ABL1: variants seen among roughly 807,000 people sequenced by gnomAD.
ABL1 encodes ABL proto-oncogene 1, non-receptor tyrosine kinase.
In ABL1, 11 loss-of-function variants were observed where a neutral mutation model predicts 94.7. The observed-to-expected ratio is 0.12, with a 90% CI of 0.07 to 0.19. The LOEUF is 0.19. Ranked by LOEUF, ABL1 falls within the 10% of genes least tolerant of loss-of-function variation. ABL1 has a pLI of 1.00. For missense variants in ABL1, 1,082 were observed against 1,489.4 expected (o/e 0.73, Z 4.50); for synonymous variants, 656 against 622.4 (o/e 1.05, Z -0.80).
intron 1 of ABL1, among the ~76,000 whole-genome samples, chr9:130,845,034 A>G (rs78201681): frequency 0.01 from 1,561 of 152,344 alleles, 27 homozygotes; most frequent in African/African-American, 0.035. Flanking sequence ...GAATTGGCTC[A>G]GTAAAACCTC....
At chr9:130,851,149 C>T (rs915948405) in intron 1 of ABL1, among the ~76,000 whole-genome samples, 2 of 152,126 alleles carry the variant, frequency 1.3e-5, no homozygotes, top group Non-Finnish European at 2.9e-5. Flanking sequence ...TGGTCTCGAT[C>T]TCCTGACCTC....
chr9:130,824,930 C>T (rs1830405751), intron 1 of ABL1, among the ~76,000 whole-genome samples: 1 of 152,192 alleles, frequency 6.6e-6, no homozygotes, highest in African/African-American at 2.4e-5. Context: ...TTCTAACAAG[C>T]AGAGGGAAGA....
At chr9:130,850,488 T>C (rs1830839118) in intron 1 of ABL1, among the ~76,000 whole-genome samples, 1 of 152,170 alleles carries the variant, frequency 6.6e-6, no homozygotes, top group South Asian at 2.1e-4. Flanking sequence ...CAAGCTCTAA[T>C]CACATGTCCA....
chr9:130,762,829 T>G, intron 1 of ABL1, among the ~76,000 whole-genome samples: 1 of 149,424 alleles, frequency 6.7e-6, no homozygotes, highest in East Asian at 2.0e-4. Context: ...GAGAGTGGCA[T>G]GAACCCGGGA....
At chr9:130,854,329 C>T in intron 2 of ABL1, 92 bp downstream of exon 2, 10 of 1,434,192 alleles carry the variant, frequency 7.0e-6, no homozygotes, top group Non-Finnish European at 9.5e-6. Context: ...GTTAAAGGAG[C>T]AGCTTTGAAA....
chr9:130,713,065 G>T (rs1382288998), exon 1 of ABL1, among the ~76,000 whole-genome samples: 1 of 152,236 alleles, frequency 6.6e-6, no homozygotes, highest in African/African-American at 2.4e-5. Flanking sequence ...CGGCCGCGGG[G>T]TTTGGTGTCT....
intron 1 of ABL1, among the ~76,000 whole-genome samples, chr9:130,783,530 G>A (rs1041070433): frequency 3.9e-5 from 6 of 152,220 alleles, no homozygotes; most frequent in Non-Finnish European, 8.8e-5. Context: ...GTTGGAATTA[G>A]AAAGTGTCTA....
intron 3 of ABL1, among the ~76,000 whole-genome samples, chr9:130,860,619 C>G (rs1411468339): frequency 6.6e-6 from 1 of 152,184 alleles, no homozygotes; most frequent in East Asian, 1.9e-4. Context: ...GTGCCCTGCC[C>G]TGGAGCCCAG....
intron 4 of ABL1, among the ~76,000 whole-genome samples, chr9:130,868,983 T>C (rs145686634): frequency 7.0e-4 from 106 of 151,890 alleles, no homozygotes; most frequent in Admixed American, 1.5e-3. Context: ...CTGGTTGACA[T>C]GGTGAAACCC....
At chr9:130,813,927 C>A (rs1830246814) in intron 1 of ABL1, among the ~76,000 whole-genome samples, 1 of 152,184 alleles carries the variant, frequency 6.6e-6, no homozygotes, top group Non-Finnish European at 1.5e-5. Flanking sequence ...AAATCAATGA[C>A]CTTGGGGTCC....
chr9:130,737,748 A>G (rs1320710715), intron 1 of ABL1, among the ~76,000 whole-genome samples: 1 of 151,568 alleles, frequency 6.6e-6, no homozygotes, highest in Non-Finnish European at 1.5e-5. Flanking sequence ...GCTCAGTTCC[A>G]GTGTCTTCCT....
Position 130,885,910 on chromosome 9 carries a change from AT to A in ABL1, c.*231del. 1.7e-6 allele frequency: 1 copy of A among 579,654 alleles called. No individual in the cohort carries two copies. Among genetic ancestry groups the A allele is most frequent in the Non-Finnish European group, 2.9e-6 (1 of 340,394 alleles). 35.9% of individuals were successfully genotyped at this position (579,654 alleles called of 1,614,324 possible). A position where few individuals can be genotyped will look rare whatever the true frequency, so the allele number is the denominator to read the frequency against. The stretch of plus-strand genomic sequence containing the variant: ...CTCCCCGCTCCGTCTCTGTCCTCGA[AT>A]TTTATCTGTGGAGTTCCTGCTCCGT... On this transcript the variant is annotated 3_prime_UTR_variant, in exon 11 of 11. Coordinates refer to ENST00000318560, the MANE Select transcript of ABL1 (RefSeq NM_005157.6).
rs895398092 is a variant in ABL1 at position 130,872,446 on chromosome 9, C to G, written c.907+233C>G. Among the ~76,000 whole-genome samples, 1 of 152,242 alleles carries G rather than the reference C, an allele frequency of 6.6e-6. No individual in the cohort carries two copies. Among genetic ancestry groups the G allele is most frequent in the African/African-American group, 2.4e-5 (1 of 41,460 alleles). On this transcript the variant is annotated intron_variant, in intron 5 of 10. Coordinates refer to ENST00000318560, the MANE Select transcript of ABL1 (RefSeq NM_005157.6). This position sits in a 1 kb window ranked among gnomAD's most constrained non-coding sequence, Gnocchi z 5.0. ...GAATGTGATTATTTTAAGTGGATAC[C>G]TAAAAGCAGTCAAATGCAAATCTGA...
In ABL1 at chr9:130,884,715, A is replaced by G. The variant is rs1239903000; in HGVS notation, c.2425A>G (p.Ser809Gly). 1 of 1,612,592 alleles carries G rather than the reference A, an allele frequency of 6.2e-7. No homozygotes were observed. Among genetic ancestry groups the G allele is most frequent in the Non-Finnish European group, 8.5e-7 (1 of 1,179,898 alleles). ...CATCATGGAGTCCAGCCCGGGCTCC[A>G]GCCCGCCCAACCTGACTCCAAAACC... ...KDIMESSPGSSPPNLTPKPLR... is the reference protein window; with the variant it reads ...KDIMESSPGSGPPNLTPKPLR... Residue 809 changes from serine to glycine, a missense_variant, in exon 11 of 11, where the codon AGC becomes GGC. By Grantham distance (56) the Ser-to-Gly change is moderately conservative. Transcript: ENST00000318560. The surrounding 1 kb of genome is among the most constrained non-coding windows in gnomAD (Gnocchi z 5.6).
At chr9:130,829,564 CAAAAAAAAAAAAA>C (rs1167581144) in intron 1 of ABL1, among the ~76,000 whole-genome samples, 2 of 68,708 alleles carry the variant, frequency 2.9e-5, no homozygotes, top group African/African-American at 9.8e-5. Context: ...GACTACGTCT[CAAAAAAAAAAAAA>C]AAAAAAAAGT....
intron 1 of ABL1, among the ~76,000 whole-genome samples, chr9:130,747,596 A>G (rs35235561): frequency 0.028 from 4,231 of 152,178 alleles, 128 homozygotes; most frequent in Admixed American, 0.08. Context: ...GTATTTTTGT[A>G]GAGACATGGT....
chr9:130,745,268 G>A (rs1182958447), intron 1 of ABL1, among the ~76,000 whole-genome samples: 1 of 151,958 alleles, frequency 6.6e-6, no homozygotes, highest in African/African-American at 2.4e-5. Context: ...ATTTTTAGTA[G>A]AGACAGGATT....
chr9:130,720,056 A>G (rs930111416), intron 1 of ABL1, among the ~76,000 whole-genome samples: 2 of 152,212 alleles, frequency 1.3e-5, no homozygotes, highest in Non-Finnish European at 2.9e-5. Flanking sequence ...TTAGTAGTCA[A>G]CTTTTTCCTT....
intron 1 of ABL1, among the ~76,000 whole-genome samples, chr9:130,773,409 T>C (rs908291277): frequency 1.3e-5 from 2 of 152,240 alleles, no homozygotes; most frequent in South Asian, 4.1e-4. Context: ...CGTCTTGGCA[T>C]TGTTTGCTAA....
Sources: gnomAD v4.1 joint callset for allele counts (sites outside exome capture counted in the v4.1 genomes callset) on GRCh38, gnomAD v4.1.1 for gene constraint, Gnocchi (gnomAD v3.1) non-coding constraint, MANE v1.5 for transcripts, NCBI Gene and HGNC (gene_info 2026-07-23, HGNC 2026-07-21) for gene names.